The following CDK6 variants were observed in gnomAD, a reference collection of about 807,000 sequenced individuals.
CDK6 encodes the protein cyclin-dependent kinase 6.
CDK6 carries 6 observed loss-of-function variants against 37.1 expected under a neutral mutation model. The ratio of observed to expected loss-of-function variants is 0.16; its 90% CI spans 0.09 to 0.32. The LOEUF is 0.32. Ranked by LOEUF, CDK6 falls within the 10% of genes least tolerant of loss-of-function variation. The pLI, the probability that CDK6 is intolerant of heterozygous loss-of-function variation, is 1.00. For missense variants in CDK6, 224 were observed against 418.9 expected (o/e 0.53, Z 4.06); for synonymous variants, 160 against 161.3 (o/e 0.99, Z 0.06).
intron 2 of CDK6, among the ~76,000 whole-genome samples, chr7:92,780,632 G>A (rs935776567): frequency 2.0e-5 from 3 of 151,370 alleles, no homozygotes; most frequent in Non-Finnish European, 4.4e-5. Context: ...GTGGTGGCAG[G>A]CGCCTGTAGT....
intron 3 of CDK6, among the ~76,000 whole-genome samples, chr7:92,767,506 A>T (rs980594154): frequency 5.3e-5 from 8 of 152,172 alleles, no homozygotes; most frequent in Non-Finnish European, 1.2e-4. Context: ...TTCTGACTTT[A>T]GTAGTATAAA....
rs397889657 is a variant in CDK6 at position 92,632,933 on chromosome 7, C to CTTT, written c.648-9850_648-9848dup. On this transcript the variant is annotated intron_variant, in intron 5 of 7. Coordinates refer to ENST00000424848, the MANE Select transcript of CDK6 (RefSeq NM_001145306.2). ...TGGATATGATGGTATCTCTAAAGATCTTTTTTTTTTTTTTTTTTTTTTTCC... is the reference window on the plus strand; with the variant it reads ...TGGATATGATGGTATCTCTAAAGATCTTTTTTTTTTTTTTTTTTTTTTTTTTCC... 7.3e-5 allele frequency among the ~76,000 whole-genome samples: 8 copies of CTTT among 108,870 alleles called. 1 individual carries two copies. The highest frequency in any genetic ancestry group is 1.8e-4 in the African/African-American group (5 of 27,568). The allele number at this position is 108,870 out of a possible 152,430, so 71.4% of individuals were successfully genotyped here.
chr7:92,612,196 A>G lies in CDK6; in HGVS notation c.*2944T>C, dbSNP rs1795576732. 8.6e-6 allele frequency: 2 copies of G among 233,168 alleles called. No homozygotes were observed. The highest frequency in any genetic ancestry group is 1.2e-4 in the East Asian group (2 of 16,566). 14.4% of individuals were successfully genotyped at this position (233,168 alleles called of 1,614,324 possible). ...CGCCAGAACCAAACATCAAACAGAA[A>G]CTAGCAGGGACATTCTTGTACTGGT... is the stretch of plus-strand genomic sequence containing the variant. On this transcript the variant is annotated 3_prime_UTR_variant, in exon 8 of 8. Transcript: ENST00000424848.
intron 4 of CDK6, among the ~76,000 whole-genome samples, chr7:92,708,391 C>T (rs573704534): frequency 6.6e-6 from 1 of 152,262 alleles, no homozygotes; most frequent in South Asian, 2.1e-4. Context: ...CCTCAAGGTG[C>T]TTGTTGTCTA....
At chr7:92,625,258 A>ACACC (rs1554396216) in intron 5 of CDK6, among the ~76,000 whole-genome samples, 2 of 143,822 alleles carry the variant, frequency 1.4e-5, no homozygotes, top group Admixed American at 6.9e-5. Flanking sequence ...ACACACACAC[A>ACACC]CCTCTCTTAT....
At chr7:92,627,068 C>G (rs1795943996) in intron 5 of CDK6, among the ~76,000 whole-genome samples, 1 of 151,992 alleles carries the variant, frequency 6.6e-6, no homozygotes, top group African/African-American at 2.4e-5. Context: ...ATCCTAACGT[C>G]CATCAACTGA....
intron 5 of CDK6, among the ~76,000 whole-genome samples, chr7:92,625,889 C>T (rs1795918088): frequency 6.6e-6 from 1 of 152,034 alleles, no homozygotes; most frequent in Non-Finnish European, 1.5e-5. Context: ...ACCTATAGAA[C>T]ACCTTTGTAA....
chr7:92,614,251 G>A lies in CDK6; in HGVS notation c.*889C>T, dbSNP rs999715750. ...AGGAATTTCAAACCAGGAAATAAAG[G>A]CTTTCTATTCTTTTTTTTAAAATCT... is the stretch of plus-strand genomic sequence containing the variant. On this transcript the variant is annotated 3_prime_UTR_variant, in exon 8 of 8. Coordinates refer to ENST00000424848, the MANE Select transcript of CDK6 (RefSeq NM_001145306.2). 3.9e-5 allele frequency: 9 copies of A among 232,832 alleles called. No individual in the cohort carries two copies. Among genetic ancestry groups the A allele is most frequent in the Admixed American group, 1.1e-4 (2 of 17,774 alleles). 14.4% of individuals were successfully genotyped at this position (232,832 alleles called of 1,614,324 possible).
At chr7:92,748,318 C>T (rs1443637086) in intron 3 of CDK6, among the ~76,000 whole-genome samples, 1 of 152,146 alleles carries the variant, frequency 6.6e-6, no homozygotes, top group African/African-American at 2.4e-5. Context: ...TTTAGGGACA[C>T]CAAGTAGATC....
intron 3 of CDK6, among the ~76,000 whole-genome samples, chr7:92,730,120 T>C (rs910495282): frequency 1.3e-5 from 2 of 152,214 alleles, no homozygotes; most frequent in South Asian, 2.1e-4. Context: ...ATATCATAAG[T>C]CACAGAATGA....
chr7:92,733,799 A>T (rs1252151887), intron 3 of CDK6, among the ~76,000 whole-genome samples: 1 of 152,152 alleles, frequency 6.6e-6, no homozygotes. Flanking sequence ...AAATTTTAAC[A>T]TCTGCAGGGA....
rs140299923 is a variant in CDK6 at position 92,649,272 on chromosome 7, T to C, written c.647+22154A>G. Among the ~76,000 whole-genome samples, 993 of 152,304 alleles carry C rather than the reference T, an allele frequency of 6.5e-3. 17 individuals are homozygous for C. Among genetic ancestry groups the C allele is most frequent in the African/African-American group, 0.023 (953 of 41,578 alleles). On this transcript the variant is annotated intron_variant, in intron 5 of 7. Transcript: ENST00000424848. ...ATGAAACAGCAGATTGAGAAATGCG[T>C]TTGTCAATTGTTAAAAAATGAAGAT... is the stretch of plus-strand genomic sequence containing the variant.
At chr7:92,748,861 T>C (rs540893575) in intron 3 of CDK6, among the ~76,000 whole-genome samples, 20 of 152,224 alleles carry the variant, frequency 1.3e-4, no homozygotes, top group Middle Eastern at 3.4e-3. Flanking sequence ...ATGAATGTGA[T>C]TTTGCAACTT....
intron 5 of CDK6, among the ~76,000 whole-genome samples, chr7:92,650,424 T>G (rs1043396134): frequency 1.7e-4 from 26 of 152,208 alleles, no homozygotes; most frequent in Non-Finnish European, 3.2e-4. Flanking sequence ...TTTTGTTGTT[T>G]TTTTTTGTTG....
chr7:92,725,834 C>T lies in CDK6; in HGVS notation c.370-41G>A, dbSNP rs143083669. ...AAAGAAAATCAGTAAACACTCAAAA[C>T]GGAAGTTGAGCATTTGCTATGCTGG... On this transcript the variant is annotated intron_variant, in intron 3 of 7. Transcript: ENST00000424848. The T allele has an allele frequency of 9.6e-4, 1,514 of 1,576,648 alleles. 10 individuals carry two copies. The African/African-American group carries it at 0.017, about 18-fold the overall frequency.
At chr7:92,694,397 G>A (rs1241542539) in intron 4 of CDK6, among the ~76,000 whole-genome samples, 1 of 152,146 alleles carries the variant, frequency 6.6e-6, no homozygotes, top group Non-Finnish European at 1.5e-5. Flanking sequence ...ATTGCACTGT[G>A]TACCAATACA....
At chr7:92,799,369 C>T (rs1015518020) in intron 2 of CDK6, among the ~76,000 whole-genome samples, 7 of 152,132 alleles carry the variant, frequency 4.6e-5, no homozygotes, top group African/African-American at 1.7e-4. Context: ...CTCCCCGAAA[C>T]TCTCCCCTCC....
rs539687889 is a variant in CDK6, at chr7:92,664,969, T to G, written c.647+6457A>C. ...CTCAGCTAATTTTTTGTATTTTTAA[T>G]AGAGACGGGTTTTCACTGTATTAGC... On this transcript the variant is annotated intron_variant, in intron 5 of 7. Coordinates refer to ENST00000424848, the MANE Select transcript of CDK6 (RefSeq NM_001145306.2). Among the ~76,000 whole-genome samples the G allele has an allele frequency of 9.2e-5, 14 of 152,166 alleles. No individual in the cohort carries two copies. In the South Asian group the frequency reaches 2.9e-3, roughly 32 times the overall value.
chr7:92,686,381 C>T (rs1257105078), intron 4 of CDK6, among the ~76,000 whole-genome samples: 5 of 152,080 alleles, frequency 3.3e-5, no homozygotes, highest in Admixed American at 6.6e-5. Context: ...TTTGGTTTAA[C>T]GTTCCTGAGT....
Sources: allele counts gnomAD v4.1 joint callset (sites outside exome capture counted in the v4.1 genomes callset), GRCh38; gene constraint gnomAD v4.1.1; transcripts MANE v1.5; gene names NCBI Gene and HGNC (gene_info 2026-07-23, HGNC 2026-07-21).